The following VPS35L variants were observed in gnomAD, a reference collection of about 807,000 sequenced individuals.
The protein encoded by VPS35L is VPS35 endosomal protein sorting factor like.
In VPS35L, 83 loss-of-function variants were observed where a neutral mutation model predicts 133.0. The ratio of observed to expected loss-of-function variants is 0.62; its 90% CI spans 0.52 to 0.75. The LOEUF is 0.75. Among genes scored for constraint, VPS35L ranks in the 30% least tolerant of loss-of-function variants. VPS35L has a pLI of 0.00. For synonymous variants in VPS35L, 423 were observed against 449.9 expected (o/e 0.94, Z 0.76); for missense variants, 1,083 against 1,206.8 (o/e 0.90, Z 1.52).
rs554713753 is a variant in VPS35L, at chr16:19,569,509, C to T, written c.203C>T (p.Pro68Leu). ...SSSSSSSVVD[P>L]LSSVLDGTDP... is the part of the protein sequence containing the mutation. ...TCCTCCTCCAGCTCCGTGGTGGACC[C>T]GCTGAGCAGCGTCCTCGATGGGACT... Residue 68 changes from proline to leucine, a missense_variant, in exon 3 of 31, where the codon CCG becomes CTG. Transcript: ENST00000417362. 3.7e-6 allele frequency: 6 copies of T among 1,610,758 alleles called. No homozygotes were observed. Among genetic ancestry groups the T allele is most frequent in the East Asian group, 2.2e-5 (1 of 44,840 alleles).
chr16:19,616,537 T>TA, intron 13 of VPS35L, 149 bp from the exon 14 acceptor site: 1 of 1,128,838 alleles, frequency 8.9e-7, no homozygotes, highest in Non-Finnish European at 1.2e-6. Flanking sequence ...TTTTTTTGGT[T>TA]TAAAAAAAAA....
intron 28 of VPS35L, among the ~76,000 whole-genome samples, chr16:19,690,073 C>T: frequency 6.6e-6 from 1 of 152,018 alleles, no homozygotes; most frequent in Non-Finnish European, 1.5e-5. Flanking sequence ...CTACCAAACA[C>T]AGCTAATTTT....
chr16:19,677,130 A>G (rs1471153486), intron 27 of VPS35L, among the ~76,000 whole-genome samples: 1 of 149,286 alleles, frequency 6.7e-6, no homozygotes, highest in Non-Finnish European at 1.5e-5. Flanking sequence ...CAGCGGTGTG[A>G]TCTCGGTTCA....
chr16:19,601,979 AC>A (rs1972398722), intron 9 of VPS35L, among the ~76,000 whole-genome samples: 1 of 152,134 alleles, frequency 6.6e-6, no homozygotes, highest in Non-Finnish European at 1.5e-5. Flanking sequence ...CCAAACTTTC[AC>A]ACGAACATAT....
chr16:19,606,461 A>G (rs562167687), intron 9 of VPS35L, among the ~76,000 whole-genome samples: 197 of 152,356 alleles, frequency 1.3e-3, no homozygotes, highest in African/African-American at 4.5e-3. Flanking sequence ...GTCATTTCCC[A>G]TCCTTTTGAA....
intron 29 of VPS35L, among the ~76,000 whole-genome samples, chr16:19,692,832 G>A (rs1310071592): frequency 6.6e-6 from 1 of 152,184 alleles, no homozygotes; most frequent in East Asian, 1.9e-4. Flanking sequence ...CAAAGTGCTG[G>A]GATTACAGGC....
intron 24 of VPS35L, among the ~76,000 whole-genome samples, chr16:19,649,076 C>T (rs373408899): frequency 1.3e-5 from 2 of 151,992 alleles, no homozygotes; most frequent in African/African-American, 4.8e-5. Context: ...GCAACCTCCA[C>T]CTCCCGGGTT....
At chr16:19,609,470 G>T (rs1040966508) in intron 11 of VPS35L, among the ~76,000 whole-genome samples, 5 of 152,160 alleles carry the variant, frequency 3.3e-5, no homozygotes, top group African/African-American at 1.2e-4. Flanking sequence ...GTTGGCTGCT[G>T]TTGATGATGA....
intron 7 of VPS35L, 124 bp from the exon 8 acceptor site, chr16:19,591,666 C>G: frequency 3.0e-6 from 2 of 670,552 alleles, no homozygotes; most frequent in South Asian, 3.9e-5. Flanking sequence ...GCACCTCGCA[C>G]AGGCCTTGGC....
intron 7 of VPS35L, among the ~76,000 whole-genome samples, chr16:19,590,174 T>G (rs1277490638): frequency 9.0e-6 from 1 of 110,548 alleles, no homozygotes; most frequent in Non-Finnish European, 1.7e-5. Context: ...ACATTTGGGC[T>G]GTAAGGGGAT....
Position 19,633,728 on chromosome 16 carries a change from T to G in VPS35L, c.1635+556T>G, listed in dbSNP as rs980510899. 6.6e-6 allele frequency among the ~76,000 whole-genome samples: 1 copy of G among 152,048 alleles called. No homozygotes were observed. Among genetic ancestry groups the G allele is most frequent in the Non-Finnish European group, 1.5e-5 (1 of 68,012 alleles). On this transcript the variant is annotated intron_variant, in intron 19 of 30. Transcript: ENST00000417362. The surrounding 1 kb of genome is among the most constrained non-coding windows in gnomAD (Gnocchi z 4.1). ...ATTTACTAGCTGTTAACATTTGTTTTTTTTTGTTTTTGTTTTTGTTTTGTT... is the reference window on the plus strand; with the variant it reads ...ATTTACTAGCTGTTAACATTTGTTTGTTTTTGTTTTTGTTTTTGTTTTGTT...
intron 3 of VPS35L, among the ~76,000 whole-genome samples, chr16:19,572,311 G>A (rs1013260886): frequency 3.6e-4 from 55 of 152,098 alleles, no homozygotes; most frequent in African/African-American, 1.2e-3. Context: ...CCAGCTACTC[G>A]GGAGGCTGAG....
At chr16:19,589,908 A>T (rs559520601) in intron 7 of VPS35L, among the ~76,000 whole-genome samples, 1 of 152,280 alleles carries the variant, frequency 6.6e-6, no homozygotes, top group South Asian at 2.1e-4. Flanking sequence ...GAACTCAGAG[A>T]TGTCACATCC....
At chr16:19,605,824 C>T (rs1001618852) in intron 9 of VPS35L, among the ~76,000 whole-genome samples, 1 of 152,054 alleles carries the variant, frequency 6.6e-6, no homozygotes, top group East Asian at 1.9e-4. Flanking sequence ...ATTTGTTTGC[C>T]TGCTTATTCT....
chr16:19,645,006 CT>C, intron 23 of VPS35L, 57 bp downstream of exon 23: 1 of 1,231,858 alleles, frequency 8.1e-7, no homozygotes, highest in Non-Finnish European at 1.2e-6. Flanking sequence ...ATTGTTTATC[CT>C]TATGTTGGCG....
chr16:19,602,876 T>G (rs1388452240), intron 9 of VPS35L, among the ~76,000 whole-genome samples: 2 of 152,112 alleles, frequency 1.3e-5, no homozygotes, highest in Non-Finnish European at 2.9e-5. Flanking sequence ...AGTGCTGGGA[T>G]TATAGGCATG....
chr16:19,612,239 T>TTTTTG (rs144188667), intron 12 of VPS35L, among the ~76,000 whole-genome samples: 62 of 149,176 alleles, frequency 4.2e-4, no homozygotes, highest in South Asian at 1.4e-3. Context: ...ACCCGGCCTT[T>TTTTTG]TTTTGTTTTG....
At chr16:19,614,592 G>T (rs1283861738) in intron 12 of VPS35L, among the ~76,000 whole-genome samples, 4 of 152,208 alleles carry the variant, frequency 2.6e-5, no homozygotes, top group Admixed American at 2.6e-4. Context: ...TGTGTTTTTA[G>T]TACAGAAAGA....
chr16:19,640,929 G>A (rs1973767508), intron 21 of VPS35L, among the ~76,000 whole-genome samples: 9 of 152,066 alleles, frequency 5.9e-5, no homozygotes. Flanking sequence ...TGCATTTTTT[G>A]TAGAGATGAG....
Sources: allele counts gnomAD v4.1 joint callset (sites outside exome capture counted in the v4.1 genomes callset), GRCh38; gene constraint gnomAD v4.1.1; non-coding constraint Gnocchi (gnomAD v3.1); transcripts MANE v1.5; gene names NCBI Gene and HGNC (gene_info 2026-07-23, HGNC 2026-07-21).